ZNF536: variants seen among roughly 807,000 people sequenced by gnomAD.
ZNF536 encodes the protein zinc finger protein 536.
In ZNF536, 13 loss-of-function variants were observed where a neutral mutation model predicts 84.5. The ratio of observed to expected loss-of-function variants is 0.15; its 90% CI spans 0.10 to 0.24. The LOEUF is 0.24. Among genes scored for constraint, ZNF536 ranks in the 10% least tolerant of loss-of-function variants. The probability of loss-of-function intolerance (pLI) is 1.00; values close to 1 mark genes in which losing one functional copy is unlikely to be tolerated. For synonymous variants in ZNF536, 811 were observed against 742.5 expected (o/e 1.09, Z -1.50); for missense variants, 1,536 against 1,747.5 (o/e 0.88, Z 2.16).
rs1286191274 is a variant in ZNF536 at position 30,628,623 on chromosome 19, G to T, written c.169+79109G>T. 2.0e-5 allele frequency among the ~76,000 whole-genome samples: 3 copies of T among 151,912 alleles called. No individual in the cohort carries two copies. In the South Asian group the frequency reaches 6.2e-4, roughly 32 times the overall value. On this transcript the variant is annotated intron_variant, in intron 1 of 1. Transcript: ENST00000592773. Reference sequence around the variant, plus strand: ...TTTTGTATTTTTTAGTAGAGTCGGGGTTTCACCATGTTAGCCAGGATGGTC... The same window carrying T: ...TTTTGTATTTTTTAGTAGAGTCGGGTTTTCACCATGTTAGCCAGGATGGTC...
At chr19:30,710,997 A>G (rs1282191155) in exon 2 of ZNF536, 3 of 152,270 alleles carry the variant, frequency 2.0e-5, no homozygotes, top group Admixed American at 2.0e-4. Flanking sequence ...GAGGAGACCA[A>G]CTGAGCAGAC....
chr19:30,226,176 G>T (rs918862627), upstream of ZNF536, among the ~76,000 whole-genome samples: 23 of 150,670 alleles, frequency 1.5e-4, no homozygotes, highest in Non-Finnish European at 2.1e-4. The surrounding 1 kb of genome is among the most constrained non-coding windows in gnomAD (Gnocchi z 4.6). Context: ...CGAGCGGCCC[G>T]CGAGCCACTC....
intron 2 of ZNF536, among the ~76,000 whole-genome samples, chr19:30,482,367 G>C (rs2054124847): frequency 6.6e-6 from 1 of 152,188 alleles, no homozygotes; most frequent in Non-Finnish European, 1.5e-5. Context: ...GAAATGTTAA[G>C]TAACTTCCCC....
intron 1 of ZNF536, among the ~76,000 whole-genome samples, chr19:30,373,201 C>T (rs772470745): frequency 6.6e-6 from 1 of 152,228 alleles, no homozygotes; most frequent in African/African-American, 2.4e-5. Flanking sequence ...TTCTTCCCCC[C>T]GACCTTTTTT....
intron 1 of ZNF536, among the ~76,000 whole-genome samples, chr19:30,627,598 G>T (rs1308273096): frequency 6.6e-6 from 1 of 151,102 alleles, no homozygotes; most frequent in African/African-American, 2.4e-5. Context: ...TCACCTCTCT[G>T]GACTCTTAAA....
chr19:30,274,966 C>A (rs966782796), intron 1 of ZNF536, among the ~76,000 whole-genome samples: 1 of 152,198 alleles, frequency 6.6e-6, no homozygotes, highest in Non-Finnish European at 1.5e-5. Flanking sequence ...TATTAGAAAG[C>A]CTTTATAATT....
intron 2 of ZNF536, among the ~76,000 whole-genome samples, chr19:30,488,123 G>A (rs544734048): frequency 1.3e-5 from 2 of 152,160 alleles, no homozygotes; most frequent in African/African-American, 4.8e-5. Flanking sequence ...CTTCTTCATG[G>A]GATCTGACAT....
At chr19:30,505,748 C>T (rs1032628809) in intron 2 of ZNF536, among the ~76,000 whole-genome samples, 1 of 151,930 alleles carries the variant, frequency 6.6e-6, no homozygotes, top group Non-Finnish European at 1.5e-5. Flanking sequence ...TCACTGCAAC[C>T]TCTGCCTCCC....
chr19:30,296,805 C>T (rs985369538), intron 2 of ZNF536, among the ~76,000 whole-genome samples: 2 of 152,190 alleles, frequency 1.3e-5, no homozygotes, highest in African/African-American at 4.8e-5. Flanking sequence ...GTCTTCCAAG[C>T]AGCATCTAGG....
chr19:30,578,583 T>C (rs1477363578), intron 1 of ZNF536, among the ~76,000 whole-genome samples: 1 of 152,276 alleles, frequency 6.6e-6, no homozygotes, highest in Non-Finnish European at 1.5e-5. Flanking sequence ...AGGAATGAGC[T>C]CTTCCCATAT....
At chr19:30,289,576 C>T (rs2045764327) in intron 2 of ZNF536, among the ~76,000 whole-genome samples, 1 of 152,220 alleles carries the variant, frequency 6.6e-6, no homozygotes, top group African/African-American at 2.4e-5. Flanking sequence ...CAAGGGTTAG[C>T]TCATGAGGCC....
chr19:30,546,515 T>A (rs1489227613), intron 3 of ZNF536, among the ~76,000 whole-genome samples: 2 of 152,218 alleles, frequency 1.3e-5, no homozygotes, highest in Non-Finnish European at 2.9e-5. Flanking sequence ...TGGCATCTCC[T>A]GCTCAGAACC....
intron 1 of ZNF536, among the ~76,000 whole-genome samples, chr19:30,231,908 A>G (rs1222295779): frequency 1.3e-5 from 2 of 152,132 alleles, no homozygotes; most frequent in Non-Finnish European, 2.9e-5. Flanking sequence ...CAATTGTACT[A>G]TCCAGGATAG....
chr19:30,513,326 G>A (rs1011439138), intron 2 of ZNF536, among the ~76,000 whole-genome samples: 17 of 152,284 alleles, frequency 1.1e-4, no homozygotes, highest in East Asian at 7.7e-4. Flanking sequence ...TGAAATCAGC[G>A]CCTAGGTTCT....
intron 1 of ZNF536, among the ~76,000 whole-genome samples, chr19:30,667,500 G>A (rs2050375578): frequency 6.6e-6 from 1 of 152,080 alleles, no homozygotes; most frequent in African/African-American, 2.4e-5. Context: ...TGGGAAGGTG[G>A]GTGGTTAGGA....
chr19:30,371,696 G>T (rs932052850), upstream of ZNF536, among the ~76,000 whole-genome samples: 1 of 151,418 alleles, frequency 6.6e-6, no homozygotes, highest in South Asian at 2.1e-4. Context: ...AAAGGAGGGG[G>T]CATTGCCAGC....
intron 1 of ZNF536, among the ~76,000 whole-genome samples, chr19:30,238,803 C>T (rs2023730223): frequency 7.2e-6 from 1 of 139,414 alleles, no homozygotes; most frequent in African/African-American, 2.9e-5. Context: ...TGATGTTCTC[C>T]TAGTTTCCAT....
downstream of ZNF536, among the ~76,000 whole-genome samples, chr19:30,560,710 A>G (rs977647680): frequency 6.6e-6 from 1 of 152,222 alleles, no homozygotes; most frequent in African/African-American, 2.4e-5. Context: ...CTATTTACAC[A>G]TGTTCGGAAG....
chr19:30,275,818 C>T (rs76597378), intron 1 of ZNF536, among the ~76,000 whole-genome samples: 4,269 of 145,108 alleles, frequency 0.029, 145 homozygotes, highest in East Asian at 0.12. Flanking sequence ...TGAACAAAGC[C>T]CTCAGAAGGT....
Sources: allele counts gnomAD v4.1 joint callset (sites outside exome capture counted in the v4.1 genomes callset), GRCh38; gene constraint gnomAD v4.1.1; non-coding constraint Gnocchi (gnomAD v3.1); transcripts MANE v1.5; gene names NCBI Gene and HGNC (gene_info 2026-07-23, HGNC 2026-07-21).